The following BPIFC variants were observed in gnomAD, a reference collection of about 807,000 sequenced individuals.
BPIFC encodes BPI fold containing family C.
In BPIFC, 60 loss-of-function variants were observed where a neutral mutation model predicts 57.6. The observed-to-expected ratio is 1.04, with a 90% CI of 0.85 to 1.29. The LOEUF (loss-of-function observed/expected upper bound fraction) is 1.29. Among genes scored for constraint, BPIFC ranks in the 50% most tolerant of loss-of-function variants. BPIFC has a pLI of 0.00. For synonymous variants in BPIFC, 243 were observed against 224.5 expected (o/e 1.08, Z -0.74); for missense variants, 581 against 600.5 (o/e 0.97, Z 0.34).
At chr22:32,432,856 G>A (rs2145930492) in intron 11 of BPIFC, among the ~76,000 whole-genome samples, 1 of 152,240 alleles carries the variant, frequency 6.6e-6, no homozygotes, top group East Asian at 1.9e-4. Context: ...TCTTACAGAG[G>A]TTAAATGATG....
chr22:32,422,321 T>A (rs1933871566), intron 13 of BPIFC, among the ~76,000 whole-genome samples: 1 of 151,988 alleles, frequency 6.6e-6, no homozygotes. Context: ...AGAGAAGTCG[T>A]TTGTAGAAGG....
At chr22:32,425,608 T>C (rs1934044527) in intron 13 of BPIFC, among the ~76,000 whole-genome samples, 1 of 152,144 alleles carries the variant, frequency 6.6e-6, no homozygotes, top group South Asian at 2.1e-4. Flanking sequence ...AGTCTTTTTT[T>C]GGTACAGTTC....
intron 5 of BPIFC, chr22:32,446,913 G>A (rs773071768): frequency 1.0e-4 from 66 of 650,392 alleles, no homozygotes; most frequent in Non-Finnish European, 1.1e-4. Context: ...TGATTTGTGG[G>A]TGATCGAAAA....
chr22:32,454,263 AG>A (rs1413476397), intron 3 of BPIFC, among the ~76,000 whole-genome samples: 1 of 152,202 alleles, frequency 6.6e-6, no homozygotes, highest in Non-Finnish European at 1.5e-5. Flanking sequence ...TTTAAGCTCA[AG>A]AATTTTTGGC....
Position 32,447,345 on chromosome 22 carries a change from A to G in BPIFC, c.246-5T>C, listed in dbSNP as rs759125805. On this transcript the variant is annotated splice_polypyrimidine_tract_variant and splice_region_variant and intron_variant, in intron 4 of 16. Coordinates refer to ENST00000300399, the MANE Select transcript of BPIFC (RefSeq NM_174932.3). ...GAAAAGGCACTGATTTTTATACTGTAAAACCAGAAACAAGAAGTTAGGGCG... is the reference window on the plus strand; with the variant it reads ...GAAAAGGCACTGATTTTTATACTGTGAAACCAGAAACAAGAAGTTAGGGCG... 5.2e-5 allele frequency: 83 copies of G among 1,609,396 alleles called. No homozygotes were observed. Among genetic ancestry groups the G allele is most frequent in the Non-Finnish European group, 7.0e-5 (82 of 1,178,298 alleles).
At chr22:32,419,968 A>G (rs1933794938) in intron 13 of BPIFC, among the ~76,000 whole-genome samples, 1 of 152,088 alleles carries the variant, frequency 6.6e-6, no homozygotes, top group South Asian at 2.1e-4. Flanking sequence ...GGGTTCCCCA[A>G]GGGCGTTTGC....
intron 13 of BPIFC, among the ~76,000 whole-genome samples, chr22:32,430,797 G>T (rs2069452561): frequency 6.6e-6 from 1 of 151,526 alleles, no homozygotes; most frequent in Admixed American, 6.6e-5. Flanking sequence ...TGCACACCAC[G>T]CCTAGCTAAT....
chr22:32,464,324 G>T (rs1410390369), intron 1 of BPIFC, 50 bp downstream of exon 1: 9 of 882,808 alleles, frequency 1.0e-5, no homozygotes, highest in Non-Finnish European at 1.2e-5. Flanking sequence ...GACATCTCCA[G>T]TTTGGAGATC....
chr22:32,424,823 C>T (rs1281580553), intron 13 of BPIFC, among the ~76,000 whole-genome samples: 5 of 146,588 alleles, frequency 3.4e-5, no homozygotes, highest in Admixed American at 6.9e-5. Flanking sequence ...CTCTTGTCGC[C>T]CAGGCTAGAG....
Position 32,447,233 on chromosome 22 carries a change from C to G in BPIFC, c.353G>C (p.Trp118Ser). The change falls in exon 5 of 17, where the codon TGG (tryptophan) becomes TCG (serine). Residue 118 changes from tryptophan to serine, a missense_variant. By Grantham distance (177) the Trp-to-Ser change is radical. Transcript: ENST00000300399. ...TCACAAAAGTGGAGACTCGAACCCC[C>G]AGTCTGTGCTGATGTTGGCAGTGCC... ...NHGTANISTD[W>S]GFESPLFQDT... The G allele has an allele frequency of 6.2e-7, 1 of 1,611,024 alleles. No individual in the cohort carries two copies. The highest frequency in any genetic ancestry group is 8.5e-7 in the Non-Finnish European group (1 of 1,178,466).
rs980934933 is a variant in BPIFC at position 32,448,083 on chromosome 22, T to C, written c.246-743A>G. The stretch of plus-strand genomic sequence containing the variant: ...ATTTTTTTTCTTTTTTCTTTTTTTT[T>C]TTTGAGACAGAGTCTCGCTCTGTCA... On this transcript the variant is annotated intron_variant, in intron 4 of 16. Coordinates refer to ENST00000300399, the MANE Select transcript of BPIFC (RefSeq NM_174932.3). Among the ~76,000 whole-genome samples the C allele has an allele frequency of 1.6e-3, 248 of 152,068 alleles. 1 individual carries two copies. The highest frequency in any genetic ancestry group is 5.7e-3 in the African/African-American group (235 of 41,464).
intron 4 of BPIFC, among the ~76,000 whole-genome samples, chr22:32,450,586 CTAA>C (rs1289361715): frequency 1.3e-5 from 2 of 151,558 alleles, no homozygotes; most frequent in African/African-American, 2.4e-5. Context: ...ATAAAAATTA[CTAA>C]TGAGATATTT....
intron 13 of BPIFC, among the ~76,000 whole-genome samples, chr22:32,419,699 G>A (rs997912634): frequency 6.6e-6 from 1 of 150,860 alleles, no homozygotes; most frequent in Non-Finnish European, 1.5e-5. Context: ...CCAGCTACTT[G>A]GAAGGCTGAA....
intron 2 of BPIFC, among the ~76,000 whole-genome samples, chr22:32,461,002 CA>C (rs1935147978): frequency 6.6e-6 from 1 of 152,160 alleles, no homozygotes; most frequent in Non-Finnish European, 1.5e-5. Flanking sequence ...AGATGGTTAA[CA>C]AAGTATTTGT....
At chr22:32,449,708 C>G (rs1260105751) in intron 4 of BPIFC, among the ~76,000 whole-genome samples, 2 of 151,934 alleles carry the variant, frequency 1.3e-5, no homozygotes, top group Non-Finnish European at 2.9e-5. Flanking sequence ...TGAACATCCT[C>G]ATACATACTG....
At chr22:32,451,163 T>G (rs1194818300) in intron 4 of BPIFC, among the ~76,000 whole-genome samples, 1 of 152,224 alleles carries the variant, frequency 6.6e-6, no homozygotes, top group East Asian at 1.9e-4. Flanking sequence ...TGAAAATACC[T>G]GTTTCCAGCT....
chr22:32,456,276 ACC>A, intron 3 of BPIFC, among the ~76,000 whole-genome samples: 1 of 152,308 alleles, frequency 6.6e-6, no homozygotes, highest in East Asian at 1.9e-4. Context: ...TTCTACACAC[ACC>A]ATTGTCCACA....
intron 4 of BPIFC, among the ~76,000 whole-genome samples, chr22:32,452,692 C>T (rs1934928715): frequency 1.3e-5 from 2 of 151,822 alleles, no homozygotes; most frequent in African/African-American, 4.8e-5. Context: ...AGAATATTAT[C>T]ATTGACAGCA....
chr22:32,456,458 C>T (rs1311373710), intron 3 of BPIFC, among the ~76,000 whole-genome samples: 5 of 129,518 alleles, frequency 3.9e-5, no homozygotes, highest in African/African-American at 1.4e-4. Flanking sequence ...CTCCCTCCCT[C>T]CCTTCCCTCA....
Sources: allele counts gnomAD v4.1 joint callset (sites outside exome capture counted in the v4.1 genomes callset), GRCh38; gene constraint gnomAD v4.1.1; transcripts MANE v1.5; gene names NCBI Gene and HGNC (gene_info 2026-07-23, HGNC 2026-07-21).